The following SIRPG variants were observed in gnomAD, a reference collection of about 807,000 sequenced individuals.
SIRPG encodes the protein signal-regulatory protein gamma.
A neutral mutation model predicts 35.7 loss-of-function variants in SIRPG; 38 were observed. That is an observed-to-expected ratio of 1.06 (90% CI 0.82 to 1.40). The LOEUF (loss-of-function observed/expected upper bound fraction) is 1.40. Among genes scored for constraint, SIRPG ranks in the 40% most tolerant of loss-of-function variants. The probability of loss-of-function intolerance (pLI) is 0.00; values close to 1 mark genes in which losing one functional copy is unlikely to be tolerated. For missense variants in SIRPG, 519 were observed against 483.0 expected (o/e 1.07, Z -0.70); for synonymous variants, 215 against 190.4 (o/e 1.13, Z -1.06).
the SIRPG span, among the ~76,000 whole-genome samples, chr20:1,663,997 G>C: frequency 6.6e-6 from 1 of 152,222 alleles, no homozygotes; most frequent in Admixed American, 6.5e-5. Flanking sequence ...CTTCTGATGA[G>C]GCCCTCGGAC....
the SIRPG span, among the ~76,000 whole-genome samples, chr20:1,677,721 G>A: frequency 6.6e-6 from 1 of 152,182 alleles, no homozygotes; most frequent in Non-Finnish European, 1.5e-5. Flanking sequence ...AAGAAGAAAA[G>A]TCAAGTATGT....
chr20:1,656,086 C>T (rs1039169768), intron 1 of SIRPG, among the ~76,000 whole-genome samples: 8 of 152,316 alleles, frequency 5.3e-5, no homozygotes, highest in African/African-American at 1.9e-4. Flanking sequence ...ACATTTTTAA[C>T]ATTTTGGGAA....
intron 1 of SIRPG, among the ~76,000 whole-genome samples, chr20:1,655,326 C>T (rs944896339): frequency 4.6e-5 from 7 of 152,096 alleles, no homozygotes; most frequent in Non-Finnish European, 1.0e-4. Flanking sequence ...CATATATGCA[C>T]AATGAAATTC....
At chr20:1,634,432 C>T (rs915548356) in intron 4 of SIRPG, among the ~76,000 whole-genome samples, 2 of 151,712 alleles carry the variant, frequency 1.3e-5, no homozygotes, top group Admixed American at 1.3e-4. Flanking sequence ...TGGTCTCGAT[C>T]TCCTGACCTC....
intron 1 of SIRPG, among the ~76,000 whole-genome samples, chr20:1,654,049 C>A (rs540852616): frequency 6.6e-6 from 1 of 152,114 alleles, no homozygotes; most frequent in Admixed American, 6.5e-5. Flanking sequence ...ACCGTCTTGG[C>A]CAACATGGTA....
the SIRPG span, among the ~76,000 whole-genome samples, chr20:1,668,183 C>CT: frequency 3.7e-4 from 20 of 53,990 alleles, no homozygotes; most frequent in African/African-American, 1.0e-3. Context: ...TTCTTTCTTT[C>CT]TTTCTTTTTC....
In SIRPG at chr20:1,643,533, G is replaced by A. The variant is rs369652429; in HGVS notation, c.430+5519C>T. On this transcript the variant is annotated intron_variant, in intron 2 of 5. Coordinates refer to ENST00000303415, the MANE Select transcript of SIRPG (RefSeq NM_018556.4). ...TTAGAACTTGCTCCCGTAGCTCAGC[G>A]GACTTTGTTATTACTCACCTTCTGA... Among the ~76,000 whole-genome samples the A allele has an allele frequency of 9.9e-5, 15 of 152,182 alleles. No individual in the cohort carries two copies. In the East Asian group the frequency reaches 2.3e-3, roughly 24 times the overall value.
chr20:1,657,517 G>T, intron 1 of SIRPG, 125 bp downstream of exon 1: 2 of 930,710 alleles, frequency 2.1e-6, no homozygotes, highest in Non-Finnish European at 3.4e-6. Context: ...TTCTGCTCTT[G>T]GACAATGTCC....
At chr20:1,659,370 G>T (rs563799562), upstream of SIRPG, among the ~76,000 whole-genome samples, 163 of 152,312 alleles carry the variant, frequency 1.1e-3, no homozygotes, top group African/African-American at 3.8e-3. Context: ...GATGTACACA[G>T]GGTGAAATCT....
At chr20:1,680,631 C>T in the SIRPG span, among the ~76,000 whole-genome samples, 1 of 152,258 alleles carries the variant, frequency 6.6e-6, no homozygotes, top group South Asian at 2.1e-4. Context: ...ATAGTTATTC[C>T]TGAAATCCAA....
At chr20:1,659,243 G>C (rs2091989832), upstream of SIRPG, among the ~76,000 whole-genome samples, 1 of 152,188 alleles carries the variant, frequency 6.6e-6, no homozygotes, top group African/African-American at 2.4e-5. Context: ...AGAAAGACCT[G>C]TCCAGAATCC....
chr20:1,667,793 T>A, the SIRPG span, among the ~76,000 whole-genome samples: 2 of 152,240 alleles, frequency 1.3e-5, no homozygotes, highest in Non-Finnish European at 2.9e-5. Context: ...TTTTTACTAT[T>A]ATAATGAGCA....
At chr20:1,668,709 A>G in the SIRPG span, among the ~76,000 whole-genome samples, 5 of 152,228 alleles carry the variant, frequency 3.3e-5, 1 homozygote, top group South Asian at 6.2e-4. Flanking sequence ...TTTAGATGAT[A>G]TGAGGAAATT....
intron 1 of SIRPG, among the ~76,000 whole-genome samples, chr20:1,649,841 C>T (rs1331500688): frequency 6.7e-6 from 1 of 150,244 alleles, no homozygotes. Context: ...CACCATTCTG[C>T]TCAGGTTGCC....
chr20:1,673,428 G>C, the SIRPG span, among the ~76,000 whole-genome samples: 515 of 152,266 alleles, frequency 3.4e-3, 3 homozygotes, highest in Non-Finnish European at 5.8e-3. Flanking sequence ...GGTAAGATAA[G>C]AGAAGACAAG....
chr20:1,635,730 G>A, intron 3 of SIRPG, 131 bp from the exon 4 acceptor site: 1 of 931,916 alleles, frequency 1.1e-6, no homozygotes, highest in South Asian at 1.7e-5. Flanking sequence ...CAGATGCTAA[G>A]ACATTGAGGG....
At chr20:1,682,074 A>G in the SIRPG span, among the ~76,000 whole-genome samples, 1 of 152,180 alleles carries the variant, frequency 6.6e-6, no homozygotes, top group African/African-American at 2.4e-5. Flanking sequence ...ACACTAATAG[A>G]GTAATGCATG....
At chr20:1,654,021 C>T (rs765188348) in intron 1 of SIRPG, among the ~76,000 whole-genome samples, 17 of 152,100 alleles carry the variant, frequency 1.1e-4, no homozygotes, top group Non-Finnish European at 2.2e-4. Context: ...GAGCAGATCA[C>T]GAGGTTAGGC....
chr20:1,632,667 G>A (rs2091760671), intron 4 of SIRPG, among the ~76,000 whole-genome samples: 1 of 151,982 alleles, frequency 6.6e-6, no homozygotes, highest in South Asian at 2.1e-4. Flanking sequence ...GAAATTCCAA[G>A]GTGGGAGAGG....
Sources: allele counts gnomAD v4.1 joint callset (sites outside exome capture counted in the v4.1 genomes callset), GRCh38; gene constraint gnomAD v4.1.1; transcripts MANE v1.5; gene names NCBI Gene and HGNC (gene_info 2026-07-23, HGNC 2026-07-21).